PIP5K1B: variants seen among roughly 807,000 people sequenced by gnomAD.
PIP5K1B encodes phosphatidylinositol 4-phosphate 5-kinase type-1 beta.
PIP5K1B carries 42 observed loss-of-function variants against 67.0 expected under a neutral mutation model. The ratio of observed to expected loss-of-function variants is 0.63; its 90% CI spans 0.49 to 0.81. PIP5K1B has a LOEUF of 0.81. Among genes scored for constraint, PIP5K1B ranks in the 30% least tolerant of loss-of-function variants. The probability of loss-of-function intolerance (pLI) is 0.00; values close to 1 mark genes in which losing one functional copy is unlikely to be tolerated. For missense variants in PIP5K1B, 459 were observed against 646.3 expected (o/e 0.71, Z 3.14); for synonymous variants, 214 against 231.4 (o/e 0.92, Z 0.68).
chr9:68,734,042 T>C (rs1247486743), intron 1 of PIP5K1B, among the ~76,000 whole-genome samples: 1 of 152,212 alleles, frequency 6.6e-6, no homozygotes, highest in Admixed American at 6.5e-5. Context: ...ATTCTGGCTC[T>C]GCAACTTCCA....
At chr9:68,945,492 A>G (rs77768082) in intron 14 of PIP5K1B, among the ~76,000 whole-genome samples, 5,674 of 152,284 alleles carry the variant, frequency 0.037, 153 homozygotes, top group African/African-American at 0.074. Context: ...TCTACCAGCT[A>G]TTGGTGAATT....
intron 3 of PIP5K1B, among the ~76,000 whole-genome samples, chr9:68,822,081 T>G (rs1833756851): frequency 6.6e-6 from 1 of 152,198 alleles, no homozygotes; most frequent in South Asian, 2.1e-4. Flanking sequence ...ATTGAGTAAT[T>G]TTTTTGTTCT....
At chr9:68,788,702 G>A in intron 2 of PIP5K1B, 2 of 255,380 alleles carry the variant, frequency 7.8e-6, no homozygotes, top group Non-Finnish European at 8.0e-6. Flanking sequence ...GTGGAGTCAG[G>A]CTCACGTTTA....
rs375563135 is a variant in PIP5K1B, at chr9:68,870,761, A to G, written c.201-5916A>G. ...CATTTATCCTGTCATACAGAGGGTA[A>G]GGTCATGTTTGTTGAATACAAGTGA... On this transcript the variant is annotated intron_variant, in intron 5 of 15. Coordinates refer to ENST00000265382, the MANE Select transcript of PIP5K1B (RefSeq NM_003558.4). 1.4e-4 allele frequency among the ~76,000 whole-genome samples: 21 copies of G among 152,340 alleles called. No individual in the cohort carries two copies. The East Asian group carries it at 1.9e-3, about 14-fold the overall frequency.
chr9:68,972,652 A>T (rs1053652258), intron 14 of PIP5K1B, among the ~76,000 whole-genome samples: 2 of 152,198 alleles, frequency 1.3e-5, no homozygotes, highest in African/African-American at 4.8e-5. Flanking sequence ...CTGAAAAAAT[A>T]AAAATATAAG....
At chr9:68,884,119 A>G (rs1204539744) in intron 6 of PIP5K1B, among the ~76,000 whole-genome samples, 1 of 152,222 alleles carries the variant, frequency 6.6e-6, no homozygotes, top group Non-Finnish European at 1.5e-5. Context: ...CAACCCCAAA[A>G]GCACAGGCAA....
At chr9:68,855,787 A>G (rs767307869) in intron 4 of PIP5K1B, among the ~76,000 whole-genome samples, 50 of 152,344 alleles carry the variant, frequency 3.3e-4, no homozygotes, top group Non-Finnish European at 5.6e-4. Context: ...AACTGGTTGT[A>G]GGACTATGGA....
chr9:68,908,497 TAC>T (rs1377805493), intron 8 of PIP5K1B, among the ~76,000 whole-genome samples: 1 of 151,936 alleles, frequency 6.6e-6, no homozygotes. Flanking sequence ...AATCACGGCA[TAC>T]ACACCATGAA....
intron 2 of PIP5K1B, among the ~76,000 whole-genome samples, chr9:68,795,818 T>C (rs1485223599): frequency 1.3e-5 from 2 of 152,230 alleles, no homozygotes; most frequent in Non-Finnish European, 2.9e-5. Context: ...AGAAATCTGC[T>C]TTAATTTTAA....
chr9:68,835,003 C>T (rs1422862555), intron 4 of PIP5K1B, among the ~76,000 whole-genome samples: 2 of 149,590 alleles, frequency 1.3e-5, no homozygotes, highest in Non-Finnish European at 2.9e-5. Flanking sequence ...AAAGGCAGCC[C>T]TTAGATGACA....
rs555981513 is a variant in PIP5K1B, at chr9:68,986,950, TA to T, written c.1503-4181del. Among the ~76,000 whole-genome samples, 176 of 151,700 alleles carry T rather than the reference TA, an allele frequency of 1.2e-3. 1 individual carries two copies. The highest frequency in any genetic ancestry group is 1.9e-3 in the Non-Finnish European group (132 of 67,862). On this transcript the variant is annotated intron_variant, in intron 14 of 15. Transcript: ENST00000265382. ...ACACTTATATGCATGTAGCGTCATT[TA>T]AAAAAAAATAAATTTTGGAGGCTGG...
intron 1 of PIP5K1B, among the ~76,000 whole-genome samples, chr9:68,725,107 T>C (rs546375302): frequency 6.6e-6 from 1 of 152,368 alleles, no homozygotes; most frequent in African/African-American, 2.4e-5. Context: ...ATATGTCTTT[T>C]GGCAGTTCCA....
intron 5 of PIP5K1B, among the ~76,000 whole-genome samples, chr9:68,864,490 T>C (rs1203958797): frequency 6.6e-6 from 1 of 152,236 alleles, no homozygotes; most frequent in Non-Finnish European, 1.5e-5. Flanking sequence ...AATACCAAAG[T>C]TACCCATATA....
intron 2 of PIP5K1B, among the ~76,000 whole-genome samples, chr9:68,810,953 A>G (rs922173815): frequency 6.6e-6 from 1 of 152,218 alleles, no homozygotes; most frequent in African/African-American, 2.4e-5. Flanking sequence ...AGAGAGGTGT[A>G]TGGTGGAAAG....
chr9:68,862,802 A>T (rs1035774840), intron 4 of PIP5K1B, among the ~76,000 whole-genome samples: 2 of 131,694 alleles, frequency 1.5e-5, no homozygotes, highest in Non-Finnish European at 3.3e-5. Context: ...AAAAAAAAAT[A>T]AAAAATAAAT....
At chr9:68,762,855 A>C (rs1287121948) in intron 2 of PIP5K1B, among the ~76,000 whole-genome samples, 1 of 152,056 alleles carries the variant, frequency 6.6e-6, no homozygotes, top group African/African-American at 2.4e-5. Context: ...CTATCCTTAG[A>C]GCTCCCATAC....
intron 6 of PIP5K1B, among the ~76,000 whole-genome samples, chr9:68,880,612 C>T (rs1824152312): frequency 1.3e-5 from 1 of 79,870 alleles, no homozygotes; most frequent in South Asian, 3.6e-4. Flanking sequence ...CACACACACA[C>T]ACACGCATAC....
At chr9:68,851,083 G>C (rs1003380314) in intron 4 of PIP5K1B, among the ~76,000 whole-genome samples, 6 of 152,150 alleles carry the variant, frequency 3.9e-5, no homozygotes, top group Non-Finnish European at 8.8e-5. Flanking sequence ...GTATTTTTCT[G>C]TTAATGAGGA....
chr9:68,999,299 A>G (rs1308980850), intron 15 of PIP5K1B, among the ~76,000 whole-genome samples: 1 of 152,190 alleles, frequency 6.6e-6, no homozygotes, highest in African/African-American at 2.4e-5. Flanking sequence ...CAAGTGGATA[A>G]GAATATTGGG....
Sources: allele counts gnomAD v4.1 joint callset (sites outside exome capture counted in the v4.1 genomes callset), GRCh38; gene constraint gnomAD v4.1.1; transcripts MANE v1.5; gene names NCBI Gene and HGNC (gene_info 2026-07-23, HGNC 2026-07-21).